The following SGK1 variants were observed in gnomAD, a reference collection of about 807,000 sequenced individuals.
SGK1 encodes serum/glucocorticoid regulated kinase 1.
A neutral mutation model predicts 64.2 loss-of-function variants in SGK1; 26 were observed. The observed-to-expected ratio is 0.40, with a 90% CI of 0.30 to 0.56. The LOEUF (loss-of-function observed/expected upper bound fraction) is 0.56, where lower values mean the gene tolerates loss of function less well. Ranked by LOEUF, SGK1 falls within the 20% of genes least tolerant of loss-of-function variation. The pLI, the probability that SGK1 is intolerant of heterozygous loss-of-function variation, is 0.38. For missense variants in SGK1, 519 were observed against 645.6 expected, an observed-to-expected ratio of 0.80 and a Z score of 2.12; for synonymous variants, 265 against 239.7, an observed-to-expected ratio of 1.11 and a Z score of -0.98.
intron 2 of SGK1, among the ~76,000 whole-genome samples, chr6:134,241,609 CA>C (rs1776447659): frequency 6.6e-6 from 1 of 151,776 alleles, no homozygotes; most frequent in African/African-American, 2.4e-5. Flanking sequence ...ATGTAGCCAA[CA>C]AACTTGTTTA....
chr6:134,206,987 AGGC>A (rs1262901535), intron 3 of SGK1, among the ~76,000 whole-genome samples: 5 of 151,938 alleles, frequency 3.3e-5, no homozygotes, highest in African/African-American at 1.2e-4. Flanking sequence ...GCACTTTGGG[AGGC>A]CGAGGCGGGC....
At chr6:134,293,125 T>C (rs1777291600) in intron 1 of SGK1, among the ~76,000 whole-genome samples, 1 of 152,190 alleles carries the variant, frequency 6.6e-6, no homozygotes, top group Admixed American at 6.5e-5. Context: ...CTGCAATCTG[T>C]ACTTTAGGAT....
At chr6:134,235,557 ATTTAT>A (rs1193218832) in intron 2 of SGK1, among the ~76,000 whole-genome samples, 4 of 147,078 alleles carry the variant, frequency 2.7e-5, no homozygotes, top group Admixed American at 2.7e-4. Context: ...TTATTTATTT[ATTTAT>A]TTATTTATTT....
At chr6:134,175,617 G>T in intron 3 of SGK1, 4 of 1,543,642 alleles carry the variant, frequency 2.6e-6, no homozygotes, top group Non-Finnish European at 3.5e-6. Flanking sequence ...GCCGCAGCAG[G>T]GACTCGAGCC....
rs139133921 is a variant in SGK1 at position 134,292,388 on chromosome 6, T to C, written c.69+25004A>G. On this transcript the variant is annotated intron_variant, in intron 1 of 13. Coordinates refer to ENST00000367858, the MANE Select transcript of SGK1 (RefSeq NM_001143676.3). ...CGGGTGGATCACCTGAAGTCAGGAGTTCAAGACCAGCCTGGCCAACATGGT... is the reference window on the plus strand; with the variant it reads ...CGGGTGGATCACCTGAAGTCAGGAGCTCAAGACCAGCCTGGCCAACATGGT... Among the ~76,000 whole-genome samples, 57 of 150,934 alleles carry C rather than the reference T, an allele frequency of 3.8e-4. 1 individual carries two copies. Among genetic ancestry groups the C allele is most frequent in the African/African-American group, 1.3e-3 (52 of 41,090 alleles).
intron 1 of SGK1, among the ~76,000 whole-genome samples, chr6:134,283,490 T>TA (rs372830836): frequency 0.042 from 6,054 of 145,678 alleles, 199 homozygotes; most frequent in African/African-American, 0.086. Flanking sequence ...AACTCTGCCT[T>TA]AAAAAAAAAA....
At chr6:134,230,994 A>G (rs1776269570) in intron 2 of SGK1, among the ~76,000 whole-genome samples, 1 of 152,232 alleles carries the variant, frequency 6.6e-6, no homozygotes, top group Admixed American at 6.5e-5. Context: ...AGCCTGGGGA[A>G]CAGAGAAAGA....
chr6:134,206,356 TATATATATATATATATATATATATA>T (rs1489632106), intron 3 of SGK1, among the ~76,000 whole-genome samples: 4 of 8,274 alleles, frequency 4.8e-4, no homozygotes, highest in Non-Finnish European at 1.6e-3. Context: ...TATATATATA[TATATATATATATATATATATATATA>T]TATTTTTTTT....
chr6:134,248,445 CTTTTTTTTTTTTTTTT>C (rs34315643), intron 2 of SGK1, among the ~76,000 whole-genome samples: 16 of 103,044 alleles, frequency 1.6e-4, no homozygotes, highest in Admixed American at 8.0e-4. Context: ...TCTCCTCCGC[CTTTTTTTTTTTTTTTT>C]TTTTTTTTTA....
intron 2 of SGK1, among the ~76,000 whole-genome samples, chr6:134,247,457 C>T (rs1376561039): frequency 2.0e-5 from 3 of 152,150 alleles, no homozygotes; most frequent in African/African-American, 4.8e-5. Flanking sequence ...CTCAAAATGG[C>T]ATTCACCACT....
intron 1 of SGK1, among the ~76,000 whole-genome samples, chr6:134,312,598 T>C (rs1777623282): frequency 6.6e-6 from 1 of 152,172 alleles, no homozygotes; most frequent in Admixed American, 6.5e-5. Context: ...GCATTCGGGA[T>C]GTATAGAGAT....
chr6:134,206,383 A>ATT (rs869072819), intron 3 of SGK1, among the ~76,000 whole-genome samples: 323 of 16,442 alleles, frequency 0.02, 14 homozygotes, highest in Non-Finnish European at 0.026. Context: ...ATATATATAT[A>ATT]TTTTTTTTTT....
At position 134,294,311 on chromosome 6, in the gene SGK1, G is replaced by A. The variant is rs552881759; in HGVS notation, c.69+23081C>T. ...GTCACATTAGTACAATGACGTTGTT[G>A]AGCAACCATCACCGCTATCCAGTCT... On this transcript the variant is annotated intron_variant, in intron 1 of 13. Transcript: ENST00000367858. 9.2e-5 allele frequency among the ~76,000 whole-genome samples: 14 copies of A among 152,056 alleles called. No individual in the cohort carries two copies. In the East Asian group the frequency reaches 2.1e-3, roughly 23 times the overall value.
Position 134,304,223 on chromosome 6 carries a change from T to C in SGK1, c.69+13169A>G, listed in dbSNP as rs145821014. 3.6e-3 allele frequency among the ~76,000 whole-genome samples: 549 copies of C among 152,348 alleles called. 1 individual carries two copies. The highest frequency in any genetic ancestry group is 6.8e-3 in the Middle Eastern group (2 of 294). The stretch of plus-strand genomic sequence containing the variant: ...GCCAACGTCACAGGGAGCAGAACCC[T>C]CCAAATGAGTGACACTGAATTCCTA... On this transcript the variant is annotated intron_variant, in intron 1 of 13. Transcript: ENST00000367858.
chr6:134,219,156 T>C (rs1229819296), intron 2 of SGK1, among the ~76,000 whole-genome samples: 2 of 151,722 alleles, frequency 1.3e-5, no homozygotes, highest in Non-Finnish European at 2.9e-5. Context: ...CTAATTTTCT[T>C]TTCTGTTCTG....
intron 1 of SGK1, among the ~76,000 whole-genome samples, chr6:134,270,164 A>G (rs1019330376): frequency 8.8e-5 from 13 of 147,890 alleles, no homozygotes; most frequent in African/African-American, 3.2e-4. Flanking sequence ...CAGGTGATCC[A>G]TCCACCTTGG....
At chr6:134,213,542 T>C (rs1005145161) in intron 2 of SGK1, among the ~76,000 whole-genome samples, 1 of 142,060 alleles carries the variant, frequency 7.0e-6, no homozygotes, top group Non-Finnish European at 1.5e-5. Flanking sequence ...AATAAATAAA[T>C]AAATAAAATG....
intron 1 of SGK1, chr6:134,298,389 G>A: frequency 7.7e-7 from 1 of 1,299,792 alleles, no homozygotes; most frequent in Non-Finnish European, 1.1e-6. Flanking sequence ...CTATGAAGGA[G>A]GCAAACTTGT....
At chr6:134,271,311 CAA>C (rs528359922) in intron 1 of SGK1, among the ~76,000 whole-genome samples, 11 of 96,816 alleles carry the variant, frequency 1.1e-4, no homozygotes, top group African/African-American at 3.2e-4. Context: ...GAAACTGTCT[CAA>C]AAAAAAAAAA....
Sources: allele counts gnomAD v4.1 joint callset (sites outside exome capture counted in the v4.1 genomes callset), GRCh38; gene constraint gnomAD v4.1.1; transcripts MANE v1.5; gene names NCBI Gene and HGNC (gene_info 2026-07-23, HGNC 2026-07-21).